The following RIN2 variants were observed in gnomAD, a reference collection of about 807,000 sequenced individuals.
The protein encoded by RIN2 is Ras and Rab interactor 2, also known as RAB5 interacting protein 2.
Under a neutral mutation model 78.0 loss-of-function variants are expected in RIN2, and 36 were observed. The observed-to-expected ratio is 0.46, with a 90% CI of 0.35 to 0.61. The LOEUF is 0.61. Ranked by LOEUF, RIN2 falls within the 20% of genes least tolerant of loss-of-function variation. The probability of loss-of-function intolerance (pLI) is 0.00; values close to 1 mark genes in which losing one functional copy is unlikely to be tolerated. For missense variants in RIN2, 1,087 were observed against 1,159.7 expected (o/e 0.94, Z 0.91); for synonymous variants, 466 against 466.8 (o/e 1.00, Z 0.02).
chr20:19,943,876 G>A (rs2040978145), intron 4 of RIN2, among the ~76,000 whole-genome samples: 1 of 151,834 alleles, frequency 6.6e-6, no homozygotes, highest in Admixed American at 6.6e-5. Flanking sequence ...TGTTAGCCAG[G>A]CCAGGGTCCT....
chr20:19,935,118 C>T lies in RIN2; in HGVS notation c.77C>T (p.Ser26Leu), dbSNP rs577973228. ...GAATAGCTCATTGACACAATTGCCT[C>T]GGAGATCGGAGAACTGAAACAGGAG... ...SFFKLIDTIA[S>L]EIGELKQEMV... The change falls in exon 4 of 13, where the codon TCG becomes TTG. Residue 26 changes from serine to leucine, a missense_variant. This residue lies in a region of RIN2 where 706 missense variants were observed against 667.5 expected (regional missense o/e 1.06). Transcript: ENST00000255006. The T allele has an allele frequency of 1.4e-4, 228 of 1,600,250 alleles. 1 individual carries two copies. The highest frequency in any genetic ancestry group is 4.0e-4 in the South Asian group (35 of 88,302).
intron 2 of RIN2, chr20:19,823,707 G>A: frequency 6.3e-7 from 1 of 1,587,108 alleles, no homozygotes; most frequent in Non-Finnish European, 8.6e-7. Context: ...TGATGATCAT[G>A]GCAGAGGCAG....
chr20:19,963,342 A>G (rs2041827662), intron 6 of RIN2, among the ~76,000 whole-genome samples: 1 of 152,084 alleles, frequency 6.6e-6, no homozygotes, highest in South Asian at 2.1e-4. Flanking sequence ...CAGCCGGCGC[A>G]GTGGCTCACA....
At position 19,960,798 on chromosome 20, in the gene RIN2, G is replaced by A; in HGVS notation, c.450G>A (p.Lys150=). The A allele has an allele frequency of 6.3e-7, 1 of 1,593,596 alleles. No individual in the cohort carries two copies. The highest frequency in any genetic ancestry group is 8.6e-7 in the Non-Finnish European group (1 of 1,168,904). The change falls in exon 6 of 13, where the codon AAG becomes AAA. Residue 150 remains lysine (K), a synonymous_variant. Transcript: ENST00000255006. ...FGAPLKEFAI[K]ESTYTFSLEG... Reference sequence around the variant, plus strand: ...CCCCACTCAAGGAATTTGCCATAAAGGAAAGCACATACAGTAAGTGGTCAT... The same window carrying A: ...CCCCACTCAAGGAATTTGCCATAAAAGAAAGCACATACAGTAAGTGGTCAT...
At chr20:19,838,659 C>G (rs542719943) in intron 2 of RIN2, among the ~76,000 whole-genome samples, 1 of 152,282 alleles carries the variant, frequency 6.6e-6, no homozygotes, top group South Asian at 2.1e-4. Flanking sequence ...GGTCTCTTTC[C>G]CGCATGGCTA....
intron 2 of RIN2, among the ~76,000 whole-genome samples, chr20:19,880,392 C>CTTTTT (rs33934712): frequency 1.7e-5 from 1 of 57,388 alleles, no homozygotes; most frequent in Non-Finnish European, 2.9e-5. Flanking sequence ...GGAAGTCATT[C>CTTTTT]TTTTTTTTTT....
rs1365504444 is a variant in RIN2 at position 19,975,239 on chromosome 20, C to T, written c.1214C>T (p.Pro405Leu). Residue 405 changes from proline to leucine, a missense_variant, in exon 9 of 13, where the codon CCG becomes CTG. Physicochemically the swap from Pro to Leu is moderately conservative, Grantham distance 98. Transcript: ENST00000255006. The surrounding 1 kb of genome is among the most constrained non-coding windows in gnomAD (Gnocchi z 4.9). ...GGTGGGGCCCCGCCTGAGGCCGCCCCGGGGGATTGCACAAGGGCCCCGCCG... is the reference window on the plus strand; with the variant it reads ...GGTGGGGCCCCGCCTGAGGCCGCCCTGGGGGATTGCACAAGGGCCCCGCCG... ...SPGGAPPEAAPGDCTRAPPPS... is the reference protein window; with the variant it reads ...SPGGAPPEAALGDCTRAPPPS... The T allele has an allele frequency of 1.9e-6, 3 of 1,582,898 alleles. No individual in the cohort carries two copies. Among genetic ancestry groups the T allele is most frequent in the Middle Eastern group, 1.7e-4 (1 of 5,978 alleles).
At chr20:19,839,130 C>G (rs762197378) in intron 2 of RIN2, among the ~76,000 whole-genome samples, 1 of 152,206 alleles carries the variant, frequency 6.6e-6, no homozygotes, top group Non-Finnish European at 1.5e-5. Context: ...GCATCTGTTA[C>G]GATCCCCCTG....
chr20:19,997,353 C>T (rs560987911), intron 12 of RIN2, among the ~76,000 whole-genome samples: 144 of 152,336 alleles, frequency 9.5e-4, no homozygotes, highest in Non-Finnish European at 1.6e-3. Context: ...TGAGCGAGTC[C>T]TGCTCAGGTT....
At chr20:19,771,214 G>C (rs930363066) in intron 1 of RIN2, among the ~76,000 whole-genome samples, 2 of 152,078 alleles carry the variant, frequency 1.3e-5, no homozygotes, top group Non-Finnish European at 2.9e-5. Flanking sequence ...CCTGTCCCTG[G>C]AGGTGAGACA....
intron 1 of RIN2, among the ~76,000 whole-genome samples, chr20:19,787,765 T>C (rs1354195239): frequency 6.6e-6 from 1 of 152,228 alleles, no homozygotes; most frequent in Non-Finnish European, 1.5e-5. Flanking sequence ...TTTTGTATTT[T>C]AAGCTCCAGG....
Position 19,992,161 on chromosome 20 carries a change from C to T in RIN2, c.2069-7C>T. The T allele has an allele frequency of 6.2e-7, 1 of 1,610,980 alleles. No individual in the cohort carries two copies. Among genetic ancestry groups the T allele is most frequent in the Non-Finnish European group, 8.5e-7 (1 of 1,178,810 alleles). On this transcript the variant is annotated splice_region_variant and splice_polypyrimidine_tract_variant and intron_variant, in intron 10 of 12. Transcript: ENST00000255006. ...AATATTCCATCTCCTTCTCTTCCTG[C>T]TCTCAGGGAGGATGTATGGCGCTGA...
chr20:19,820,433 A>C (rs7261230), intron 2 of RIN2, among the ~76,000 whole-genome samples: 3,059 of 152,170 alleles, frequency 0.02, 115 homozygotes, highest in African/African-American at 0.07. Context: ...TTTCCCTTAA[A>C]CCCCCTCAAA....
At chr20:19,795,776 A>G (rs191170867) in intron 1 of RIN2, among the ~76,000 whole-genome samples, 66 of 152,178 alleles carry the variant, frequency 4.3e-4, no homozygotes, top group African/African-American at 1.3e-3. Context: ...GCACACACCT[A>G]CCCCATGCAT....
chr20:19,852,763 T>A (rs2037024249), intron 2 of RIN2, among the ~76,000 whole-genome samples: 1 of 152,174 alleles, frequency 6.6e-6, no homozygotes, highest in Non-Finnish European at 1.5e-5. Context: ...CAAGCCATAT[T>A]GGGAATTAAG....
At chr20:19,790,083 T>C (rs1329016066) in intron 1 of RIN2, among the ~76,000 whole-genome samples, 1 of 152,204 alleles carries the variant, frequency 6.6e-6, no homozygotes, top group Admixed American at 6.5e-5. Context: ...ACAGAAGGCT[T>C]GAAGGTGATC....
intron 3 of RIN2, among the ~76,000 whole-genome samples, chr20:19,906,031 A>G (rs1012925715): frequency 1.3e-5 from 2 of 152,226 alleles, no homozygotes; most frequent in South Asian, 2.1e-4. Context: ...AGGGCCATGA[A>G]TCTATATAAA....
At chr20:19,808,141 C>T (rs1405596563) in intron 2 of RIN2, among the ~76,000 whole-genome samples, 1 of 152,254 alleles carries the variant, frequency 6.6e-6, no homozygotes, top group African/African-American at 2.4e-5. Context: ...ATGCTAGTGT[C>T]TTACAGTGCA....
At chr20:19,930,455 AG>A (rs1464048298) in intron 3 of RIN2, among the ~76,000 whole-genome samples, 2 of 152,218 alleles carry the variant, frequency 1.3e-5, no homozygotes, top group African/African-American at 2.4e-5. Flanking sequence ...GCCTGGCTGA[AG>A]GGAATCAACT....
Sources: gnomAD v4.1 joint callset for allele counts (sites outside exome capture counted in the v4.1 genomes callset) on GRCh38, gnomAD v4.1.1 for gene constraint, gnomAD v4.1.1 regional missense constraint, Gnocchi (gnomAD v3.1) non-coding constraint, MANE v1.5 for transcripts, NCBI Gene and HGNC (gene_info 2026-07-23, HGNC 2026-07-21) for gene names.